DPYD: variants seen among roughly 807,000 people sequenced by gnomAD.
DPYD encodes dihydropyrimidine dehydrogenase [NADP(+)].
A neutral mutation model predicts 116.2 loss-of-function variants in DPYD; 109 were observed. The observed-to-expected ratio is 0.94, with a 90% CI of 0.80 to 1.10. DPYD has a LOEUF of 1.10. Ranked by LOEUF, DPYD falls within the 50% of genes least tolerant of loss-of-function variation. DPYD has a pLI of 0.00. For missense variants in DPYD, 1,302 were observed against 1,254.5 expected, an observed-to-expected ratio of 1.04 and a Z score of -0.57; for synonymous variants, 440 against 432.0, an observed-to-expected ratio of 1.02 and a Z score of -0.23.
At chr1:97,540,447 C>G (rs1650360429) in intron 12 of DPYD, among the ~76,000 whole-genome samples, 1 of 152,090 alleles carries the variant, frequency 6.6e-6, no homozygotes, top group South Asian at 2.1e-4. Flanking sequence ...GATACAAACA[C>G]AACAGTCAGA....
intron 14 of DPYD, among the ~76,000 whole-genome samples, chr1:97,415,064 T>C (rs1674217493): frequency 6.6e-6 from 1 of 151,910 alleles, no homozygotes; most frequent in African/African-American, 2.4e-5. Context: ...CCTAAAGCTA[T>C]AAAAGAAGAA....
At chr1:97,291,859 T>TAA (rs200530558) in intron 18 of DPYD, among the ~76,000 whole-genome samples, 10 of 151,148 alleles carry the variant, frequency 6.6e-5, no homozygotes, top group Non-Finnish European at 8.8e-5. Flanking sequence ...AAATAAACCC[T>TAA]AAAAAAAACC....
chr1:97,798,841 A>G (rs778574936), intron 3 of DPYD, among the ~76,000 whole-genome samples: 9 of 152,014 alleles, frequency 5.9e-5, no homozygotes, highest in Non-Finnish European at 1.3e-4. Flanking sequence ...ATATATGTTC[A>G]GAAACATTTG....
chr1:97,244,583 G>C (rs1011465760), intron 18 of DPYD, among the ~76,000 whole-genome samples: 1 of 151,966 alleles, frequency 6.6e-6, no homozygotes, highest in Non-Finnish European at 1.5e-5. Flanking sequence ...GGTAGATGCC[G>C]TATCATATGT....
chr1:97,264,992 T>C (rs1664138958), intron 18 of DPYD, among the ~76,000 whole-genome samples: 1 of 135,094 alleles, frequency 7.4e-6, no homozygotes, highest in African/African-American at 2.6e-5. Context: ...TTTTGCCTTG[T>C]CCCTTCAATT....
rs946150781 is a variant in DPYD at position 97,657,070 on chromosome 1, C to T, written c.850+22025G>A. ...ACAACCTCTATCTACCAGGTTCAAG[C>T]GATTCTCCTGCCTTAGCCTCCACAG... On this transcript the variant is annotated intron_variant, in intron 8 of 22. Transcript: ENST00000370192. Among the ~76,000 whole-genome samples the T allele has an allele frequency of 6.6e-5, 10 of 150,816 alleles. No homozygotes were observed. The Middle Eastern group carries it at 0.014, about 207-fold the overall frequency.
chr1:97,700,176 T>A (rs755975081), intron 5 of DPYD: 1 of 454,652 alleles, frequency 2.2e-6, no homozygotes, highest in Non-Finnish European at 4.4e-6. Context: ...CCTGAGGGAT[T>A]TGCGACTTCT....
chr1:97,316,939 G>GT (rs60827447), intron 16 of DPYD, among the ~76,000 whole-genome samples: 6,050 of 151,122 alleles, frequency 0.04, 314 homozygotes, highest in East Asian at 0.17. Flanking sequence ...ATTTTATCAT[G>GT]TTTTTTTTGT....
At chr1:97,864,731 T>G (rs956121381) in intron 2 of DPYD, among the ~76,000 whole-genome samples, 1 of 151,898 alleles carries the variant, frequency 6.6e-6, no homozygotes, top group African/African-American at 2.4e-5. Context: ...TACGAAGTTC[T>G]GGTAAGGAAA....
intron 20 of DPYD, among the ~76,000 whole-genome samples, chr1:97,170,613 T>C (rs1387777479): frequency 6.6e-6 from 1 of 152,030 alleles, no homozygotes; most frequent in Non-Finnish European, 1.5e-5. Context: ...CCCCATTCCC[T>C]GAAGGTCTTC....
At chr1:97,649,341 G>A (rs1028966032) in intron 8 of DPYD, among the ~76,000 whole-genome samples, 3 of 152,028 alleles carry the variant, frequency 2.0e-5, no homozygotes, top group African/African-American at 7.2e-5. Context: ...CAAAAGATGA[G>A]TGAAATATTC....
intron 13 of DPYD, among the ~76,000 whole-genome samples, chr1:97,501,799 T>C (rs1035720978): frequency 6.6e-6 from 1 of 152,032 alleles, no homozygotes; most frequent in Non-Finnish European, 1.5e-5. Flanking sequence ...TTAGTTTTCT[T>C]TGAGTCAGCT....
intron 13 of DPYD, among the ~76,000 whole-genome samples, chr1:97,487,469 C>G (rs537895601): frequency 1.2e-4 from 19 of 152,158 alleles, no homozygotes; most frequent in Non-Finnish European, 2.1e-4. Flanking sequence ...GTCAGGAGAT[C>G]GACACCATCC....
At chr1:97,099,662 C>T (rs1650521269) in intron 20 of DPYD, among the ~76,000 whole-genome samples, 1 of 152,042 alleles carries the variant, frequency 6.6e-6, no homozygotes, top group Non-Finnish European at 1.5e-5. Flanking sequence ...GTCCATTTAT[C>T]TAGCTGATGG....
chr1:97,801,243 A>C (rs1667830154), intron 3 of DPYD, among the ~76,000 whole-genome samples: 1 of 151,944 alleles, frequency 6.6e-6, no homozygotes, highest in South Asian at 2.1e-4. Context: ...TGAAAGTCAG[A>C]AAGAGGGCCT....
At chr1:97,688,201 A>C (rs987656568) in intron 7 of DPYD, among the ~76,000 whole-genome samples, 3 of 152,228 alleles carry the variant, frequency 2.0e-5, no homozygotes, top group Admixed American at 2.0e-4. Context: ...GCATTAATAA[A>C]TATATAGTCA....
chr1:97,400,222 A>T (rs1299056976), intron 14 of DPYD, among the ~76,000 whole-genome samples: 11 of 151,988 alleles, frequency 7.2e-5, no homozygotes, highest in Admixed American at 7.2e-4. Flanking sequence ...GGTTTTTGTC[A>T]TTGGTTCTGT....
chr1:97,412,820 T>C (rs895532039), intron 14 of DPYD, among the ~76,000 whole-genome samples: 1 of 152,172 alleles, frequency 6.6e-6, no homozygotes, highest in Non-Finnish European at 1.5e-5. Context: ...GTTCAGAACC[T>C]TCTGAATTAT....
chr1:97,128,652 T>C (rs891985003), intron 20 of DPYD, among the ~76,000 whole-genome samples: 1 of 152,102 alleles, frequency 6.6e-6, no homozygotes, highest in African/African-American at 2.4e-5. Flanking sequence ...CGGGGAGGGA[T>C]TGCTGCCTGC....
Sources: gnomAD v4.1 joint callset for allele counts (sites outside exome capture counted in the v4.1 genomes callset) on GRCh38, gnomAD v4.1.1 for gene constraint, MANE v1.5 for transcripts, NCBI Gene and HGNC (gene_info 2026-07-23, HGNC 2026-07-21) for gene names.